Variants in SYNPO2 observed in about 807,000 individuals in gnomAD.
SYNPO2 encodes the protein synaptopodin-2.
Under a neutral mutation model 85.0 loss-of-function variants are expected in SYNPO2, and 56 were observed. That is an observed-to-expected ratio of 0.66 (90% confidence interval 0.53 to 0.82). The LOEUF is 0.82. SYNPO2 is among the 40% of genes least tolerant of loss of function. SYNPO2 has a pLI of 0.00. For synonymous variants in SYNPO2, 602 were observed against 591.1 expected (o/e 1.02, Z -0.27); for missense variants, 1,575 against 1,534.2 (o/e 1.03, Z -0.44).
At chr4:119,022,954 T>G (rs1186705200) in intron 1 of SYNPO2, among the ~76,000 whole-genome samples, 1 of 151,714 alleles carries the variant, frequency 6.6e-6, no homozygotes, top group Non-Finnish European at 1.5e-5. Context: ...TTTTTGTACT[T>G]GTTAGTAGAG....
chr4:118,908,835 C>T (rs4834717), intron 1 of SYNPO2, among the ~76,000 whole-genome samples: 62 of 152,120 alleles, frequency 4.1e-4, no homozygotes, highest in African/African-American at 1.4e-3. Context: ...TGTTCTAATT[C>T]ACAAAAGTAC....
At chr4:118,966,108 T>G (rs1486568417) in intron 1 of SYNPO2, among the ~76,000 whole-genome samples, 1 of 151,976 alleles carries the variant, frequency 6.6e-6, no homozygotes, top group East Asian at 1.9e-4. Flanking sequence ...TTGTGGATTA[T>G]GGAAAGCTAA....
intron 1 of SYNPO2, among the ~76,000 whole-genome samples, chr4:118,858,675 C>T (rs1471913366): frequency 6.6e-6 from 1 of 152,078 alleles, no homozygotes; most frequent in Non-Finnish European, 1.5e-5. Context: ...ATGATATTAC[C>T]ACACCTGGAA....
At chr4:119,017,554 A>G (rs1248226070) in intron 1 of SYNPO2, among the ~76,000 whole-genome samples, 1 of 152,296 alleles carries the variant, frequency 6.6e-6, no homozygotes, top group East Asian at 1.9e-4. Flanking sequence ...AAAAAAAAAA[A>G]AAATCTCTAA....
At chr4:118,979,368 G>A (rs912111183) in intron 1 of SYNPO2, among the ~76,000 whole-genome samples, 14 of 152,128 alleles carry the variant, frequency 9.2e-5, no homozygotes, top group African/African-American at 1.9e-4. Flanking sequence ...CTGTAAGGCC[G>A]GGTCTCAAGG....
At chr4:119,005,072 T>C (rs1560969183) in intron 1 of SYNPO2, among the ~76,000 whole-genome samples, 1 of 152,032 alleles carries the variant, frequency 6.6e-6, no homozygotes, top group Non-Finnish European at 1.5e-5. Flanking sequence ...GTTGATGGGG[T>C]TGTTTGTTTT....
At chr4:118,881,711 G>C (rs1732106007) in intron 1 of SYNPO2, among the ~76,000 whole-genome samples, 1 of 152,192 alleles carries the variant, frequency 6.6e-6, no homozygotes, top group African/African-American at 2.4e-5. Flanking sequence ...CTCCAAGTGA[G>C]AGACGGCACA....
Position 118,941,067 on chromosome 4 carries a change from C to T in SYNPO2, c.105+51926C>T, listed in dbSNP as rs151268421. On this transcript the variant is annotated intron_variant, in intron 1 of 4. Coordinates refer to ENST00000307142, the MANE Select transcript of SYNPO2 (RefSeq NM_133477.3). Reference sequence around the variant, plus strand: ...CCCTGCTCCAGAGCAGCACATCCAACTGAGTATTGGACATGTCGACTTTCA... The same window carrying T: ...CCCTGCTCCAGAGCAGCACATCCAATTGAGTATTGGACATGTCGACTTTCA... 1.5e-3 allele frequency among the ~76,000 whole-genome samples: 226 copies of T among 152,268 alleles called. 1 individual carries two copies. The highest frequency in any genetic ancestry group is 5.2e-3 in the African/African-American group (214 of 41,536).
At chr4:118,959,314 A>C (rs1396864641) in intron 1 of SYNPO2, among the ~76,000 whole-genome samples, 1 of 152,244 alleles carries the variant, frequency 6.6e-6, no homozygotes, top group Admixed American at 6.5e-5. Context: ...GTTCCAAAGA[A>C]TTTGCTAAAT....
rs898936440 is a variant in SYNPO2 at position 118,888,891 on chromosome 4, G to GGCAGCGGCTGCA, written c.-137_-126dup. 2.5e-4 allele frequency: 200 copies of GGCAGCGGCTGCA among 804,230 alleles called. No homozygotes were observed. The African/African-American group carries it at 2.7e-3, about 11-fold the overall frequency. 49.8% of individuals were successfully genotyped at this position (804,230 alleles called of 1,614,324 possible). A position where few individuals can be genotyped will look rare whatever the true frequency, so the allele number is the denominator to read the frequency against. On this transcript the variant is annotated 5_prime_UTR_variant, in exon 1 of 5. Coordinates refer to ENST00000307142, the MANE Select transcript of SYNPO2 (RefSeq NM_133477.3). The stretch of plus-strand genomic sequence containing the variant: ...AGCAGGCGGCTGGGGCGGCGGCTGG[G>GGCAGCGGCTGCA]GCAGCGGCTGCAGCAGCGGCGGACG...
chr4:118,886,599 G>A (rs147643836), upstream of SYNPO2, among the ~76,000 whole-genome samples: 281 of 152,122 alleles, frequency 1.8e-3, 1 homozygote, highest in African/African-American at 5.9e-3. Context: ...TTTTTTTATG[G>A]CTGCATAGTA....
rs1737171852 is a variant in SYNPO2, at chr4:119,008,663, T to C, written c.106-14767T>C. Among the ~76,000 whole-genome samples, 3 of 152,324 alleles carry C rather than the reference T, an allele frequency of 2.0e-5. No individual in the cohort carries two copies. The South Asian group carries it at 6.2e-4, about 32-fold the overall frequency. On this transcript the variant is annotated intron_variant, in intron 1 of 4. Coordinates refer to ENST00000307142, the MANE Select transcript of SYNPO2 (RefSeq NM_133477.3). ...CTTACATTTTGTTTTACAAACAATT[T>C]TTAAGATTATAAAAGTTCATCTCAA...
intron 1 of SYNPO2, among the ~76,000 whole-genome samples, chr4:118,936,054 C>A (rs1050161388): frequency 6.6e-6 from 1 of 152,126 alleles, no homozygotes; most frequent in Non-Finnish European, 1.5e-5. Context: ...CCTAAGTGAA[C>A]CCATACAGTT....
chr4:119,013,679 C>T (rs1177249564), intron 1 of SYNPO2, among the ~76,000 whole-genome samples: 1 of 152,164 alleles, frequency 6.6e-6, no homozygotes, highest in Non-Finnish European at 1.5e-5. Context: ...TTAAAGACTT[C>T]TCTGATGAGA....
intron 1 of SYNPO2, among the ~76,000 whole-genome samples, chr4:118,876,673 CTT>C (rs1278763448): frequency 0.012 from 69 of 5,732 alleles, no homozygotes; most frequent in Admixed American, 0.031. Flanking sequence ...CTTTCTCTTT[CTT>C]TCTTTCTTTC....
At chr4:118,898,108 G>T (rs1442439014) in intron 1 of SYNPO2, among the ~76,000 whole-genome samples, 2 of 151,922 alleles carry the variant, frequency 1.3e-5, no homozygotes, top group Non-Finnish European at 2.9e-5. Flanking sequence ...GAAAACTATG[G>T]CATGATACCT....
chr4:118,991,816 A>G (rs1736427247), intron 1 of SYNPO2, among the ~76,000 whole-genome samples: 2 of 152,188 alleles, frequency 1.3e-5, no homozygotes, highest in Admixed American at 1.3e-4. Flanking sequence ...CAGGCAATGC[A>G]AAGGGTGAGA....
At chr4:118,932,768 G>A (rs1012460317) in intron 1 of SYNPO2, among the ~76,000 whole-genome samples, 1 of 152,160 alleles carries the variant, frequency 6.6e-6, no homozygotes, top group Non-Finnish European at 1.5e-5. Context: ...AAAAGTGGTC[G>A]ATAGTTCATT....
At position 119,031,811 on chromosome 4, in the gene SYNPO2, T is replaced by C. The variant is rs139928354; in HGVS notation, c.3036T>C (p.Asn1012=). ...AAGCTCTTCCTCCCCGGCCAGTGAA[T>C]GCTGCCTCACCTACGAATGTGCAGG... The part of the protein sequence containing the change: ...MKQALPPRPV[N]AASPTNVQAS... The change falls in exon 4 of 5, where the codon AAT becomes AAC. Residue 1012 remains asparagine (N), a synonymous_variant. Transcript: ENST00000307142. 200 of 1,614,226 alleles carry C rather than the reference T, an allele frequency of 1.2e-4. No homozygotes were observed. The highest frequency in any genetic ancestry group is 1.6e-4 in the Non-Finnish European group (189 of 1,180,036).
Sources: allele counts gnomAD v4.1 joint callset (sites outside exome capture counted in the v4.1 genomes callset), GRCh38; gene constraint gnomAD v4.1.1; transcripts MANE v1.5; gene names NCBI Gene and HGNC (gene_info 2026-07-23, HGNC 2026-07-21).